The following PRMT8 variants were observed in gnomAD, a reference collection of about 807,000 sequenced individuals.
The protein encoded by PRMT8 is protein arginine methyltransferase 8.
A neutral mutation model predicts 47.1 loss-of-function variants in PRMT8; 7 were observed. The ratio of observed to expected loss-of-function variants is 0.15; its 90% confidence interval spans 0.08 to 0.28. The LOEUF is 0.28. Ranked by LOEUF, PRMT8 falls within the 10% of genes least tolerant of loss-of-function variation. The pLI is 1.00. For missense variants in PRMT8, 237 were observed against 505.4 expected (o/e 0.47, Z 5.09); for synonymous variants, 188 against 186.5 (o/e 1.01, Z -0.07).
Position 3,580,337 on chromosome 12 carries a change from CGTGT to C in PRMT8, c.829-2694_829-2691del, listed in dbSNP as rs57739335. Among the ~76,000 whole-genome samples the C allele has an allele frequency of 4.4e-3, 636 of 145,618 alleles. 4 individuals are homozygous for C. The highest frequency in any genetic ancestry group is 0.033 in the South Asian group (149 of 4,484). ...TCCTGCCAGATGGGGGGTGCGTGTGCGTGTGTGTGTGTGTGTGTGTGTGTGTGTG... is the reference window on the plus strand; with the variant it reads ...TCCTGCCAGATGGGGGGTGCGTGTGCGTGTGTGTGTGTGTGTGTGTGTGTG... On this transcript the variant is annotated intron_variant, in intron 7 of 9. Transcript: ENST00000382622. This position sits in a 1 kb window ranked among gnomAD's most constrained non-coding sequence, Gnocchi z 4.6.
At chr12:3,421,422 G>A (rs1449392542) in intron 1 of PRMT8, among the ~76,000 whole-genome samples, 1 of 152,202 alleles carries the variant, frequency 6.6e-6, no homozygotes, top group East Asian at 1.9e-4. Flanking sequence ...CCTGCCGGGG[G>A]GTGGGGTGGT....
chr12:3,539,710 A>G (rs1336063405), intron 1 of PRMT8, among the ~76,000 whole-genome samples: 1 of 152,126 alleles, frequency 6.6e-6, no homozygotes, highest in African/African-American at 2.4e-5. Flanking sequence ...TAGCCTGTGG[A>G]GGACCAGGGA....
chr12:3,593,434 C>T lies in PRMT8; in HGVS notation c.*252C>T. ...TGCCAACAAAGAGCGACCTGGCGTG[C>T]TGTGGCTGGGCCCCGAGGGTGGAAA... On this transcript the variant is annotated 3_prime_UTR_variant, in exon 10 of 10. Transcript: ENST00000382622. The surrounding 1 kb of genome is among the most constrained non-coding windows in gnomAD (Gnocchi z 4.8). 1 of 489,866 alleles carries T rather than the reference C, an allele frequency of 2.0e-6. No homozygotes were observed. Among genetic ancestry groups the T allele is most frequent in the Non-Finnish European group, 3.6e-6 (1 of 277,158 alleles). 30.3% of individuals were successfully genotyped at this position (489,866 alleles called of 1,614,324 possible).
At chr12:3,455,450 C>T (rs1378730011) in intron 1 of PRMT8, among the ~76,000 whole-genome samples, 2 of 152,122 alleles carry the variant, frequency 1.3e-5, no homozygotes, top group East Asian at 1.9e-4. Context: ...CGATGCTGCC[C>T]TCACTTGTGC....
rs894530250 is a variant in PRMT8 at position 3,425,091 on chromosome 12, C to T, written c.48+43649C>T. On this transcript the variant is annotated intron_variant, in intron 1 of 9. Transcript: ENST00000452611. ...GAATAAGCTGGGTCCAACACCTCTA[C>T]ACAGTTATGTTCAACTGGGCTCTCT... Among the ~76,000 whole-genome samples the T allele has an allele frequency of 1.2e-4, 18 of 152,228 alleles. 1 individual carries two copies. The highest frequency in any genetic ancestry group is 4.1e-4 in the African/African-American group (17 of 41,460).
intron 1 of PRMT8, among the ~76,000 whole-genome samples, chr12:3,472,232 A>C (rs575024662): frequency 1.5e-4 from 23 of 152,276 alleles, no homozygotes; most frequent in Middle Eastern, 3.4e-3. Flanking sequence ...GCCCTGTGAA[A>C]TGGCTTCCCC....
chr12:3,383,590 C>T (rs1332664092), intron 1 of PRMT8, among the ~76,000 whole-genome samples: 2 of 152,168 alleles, frequency 1.3e-5, no homozygotes, highest in Non-Finnish European at 1.5e-5. Flanking sequence ...TTCACTTGGA[C>T]ACAGTAAAAA....
At chr12:3,528,673 G>A (rs1170426554) in intron 1 of PRMT8, among the ~76,000 whole-genome samples, 2 of 151,522 alleles carry the variant, frequency 1.3e-5, no homozygotes, top group African/African-American at 4.8e-5. Context: ...TTCTTTATAG[G>A]TAGTATTTTC....
intron 1 of PRMT8, among the ~76,000 whole-genome samples, chr12:3,398,203 G>C (rs1414460425): frequency 1.3e-5 from 2 of 152,156 alleles, no homozygotes; most frequent in African/African-American, 2.4e-5. Flanking sequence ...GACTGGAGCT[G>C]TTCCTATTCG....
At chr12:3,482,869 T>A (rs992511811) in intron 1 of PRMT8, among the ~76,000 whole-genome samples, 1 of 152,166 alleles carries the variant, frequency 6.6e-6, no homozygotes, top group Non-Finnish European at 1.5e-5. Context: ...GGCCCATCTC[T>A]CTCGGCAAAT....
chr12:3,429,421 G>C (rs964573676), intron 1 of PRMT8, among the ~76,000 whole-genome samples: 1 of 152,106 alleles, frequency 6.6e-6, no homozygotes, highest in African/African-American at 2.4e-5. Context: ...CTTTGTGCCT[G>C]ACCCATGCTT....
At chr12:3,556,258 G>A (rs964381214) in intron 4 of PRMT8, among the ~76,000 whole-genome samples, 11 of 152,072 alleles carry the variant, frequency 7.2e-5, no homozygotes, top group African/African-American at 2.7e-4. Context: ...AGGTCACTTA[G>A]GGATGGTGTG....
chr12:3,478,302 AT>A (rs777402639), intron 1 of PRMT8, among the ~76,000 whole-genome samples: 5,960 of 148,722 alleles, frequency 0.04, 142 homozygotes, highest in Admixed American at 0.053. Flanking sequence ...CTATCTATCT[AT>A]CTATCTACCT....
intron 6 of PRMT8, among the ~76,000 whole-genome samples, chr12:3,574,871 CA>C (rs1264976758): frequency 2.0e-5 from 3 of 152,172 alleles, no homozygotes; most frequent in Admixed American, 6.5e-5. Flanking sequence ...CGGCAGAGTC[CA>C]GGGAGAAAAG....
At chr12:3,568,252 G>C (rs908020091) in intron 4 of PRMT8, among the ~76,000 whole-genome samples, 3 of 152,060 alleles carry the variant, frequency 2.0e-5, no homozygotes, top group African/African-American at 7.2e-5. Context: ...CCTTCACATG[G>C]AATAGGCTGA....
intron 8 of PRMT8, among the ~76,000 whole-genome samples, chr12:3,589,435 TC>T (rs1251130014): frequency 6.6e-6 from 1 of 152,188 alleles, no homozygotes; most frequent in Non-Finnish European, 1.5e-5. Context: ...GGGGCTATTG[TC>T]ACCTAATTAA....
intron 8 of PRMT8, among the ~76,000 whole-genome samples, chr12:3,591,805 T>C (rs985003632): frequency 6.6e-6 from 1 of 152,096 alleles, no homozygotes; most frequent in South Asian, 2.1e-4. Context: ...TAAGGGGAGA[T>C]AGGAGGGCCT....
intron 1 of PRMT8, among the ~76,000 whole-genome samples, chr12:3,510,249 C>G (rs1865691757): frequency 6.6e-6 from 1 of 152,012 alleles, no homozygotes; most frequent in Non-Finnish European, 1.5e-5. Context: ...ACCCCTGCTC[C>G]CAGCGTGGTC....
intron 6 of PRMT8, among the ~76,000 whole-genome samples, chr12:3,574,339 G>A (rs1272421652): frequency 6.6e-6 from 1 of 152,258 alleles, no homozygotes; most frequent in African/African-American, 2.4e-5. Context: ...GGTTGGAATT[G>A]TCTGTATAGA....
Sources: allele counts gnomAD v4.1 joint callset (sites outside exome capture counted in the v4.1 genomes callset), GRCh38; gene constraint gnomAD v4.1.1; non-coding constraint Gnocchi (gnomAD v3.1); transcripts MANE v1.5; gene names NCBI Gene and HGNC (gene_info 2026-07-23, HGNC 2026-07-21).